EYA4: variants seen among roughly 807,000 people sequenced by gnomAD.
EYA4 encodes the protein EYA transcriptional coactivator and phosphatase 4.
EYA4 carries 31 observed loss-of-function variants against 87.9 expected under a neutral mutation model. The observed-to-expected ratio is 0.35, with a 90% CI of 0.27 to 0.48. The LOEUF is 0.48. Ranked by LOEUF, EYA4 falls within the 20% of genes least tolerant of loss-of-function variation. The pLI is 0.99. For missense variants in EYA4, 678 were observed against 761.4 expected (o/e 0.89, Z 1.29); for synonymous variants, 263 against 270.6 (o/e 0.97, Z 0.28).
intron 2 of EYA4, among the ~76,000 whole-genome samples, chr6:133,298,211 G>T (rs1390172765): frequency 6.6e-6 from 1 of 152,092 alleles, no homozygotes; most frequent in Non-Finnish European, 1.5e-5. Flanking sequence ...GTGCCCTTTT[G>T]CTGTGCTTCA....
intron 2 of EYA4, among the ~76,000 whole-genome samples, chr6:133,317,994 T>C (rs1780758923): frequency 6.6e-6 from 1 of 152,098 alleles, no homozygotes; most frequent in South Asian, 2.1e-4. Flanking sequence ...CACCCTCTTA[T>C]ACAAGTGCAG....
At chr6:133,521,854 C>G (rs1349437194) in intron 17 of EYA4, among the ~76,000 whole-genome samples, 3 of 135,750 alleles carry the variant, frequency 2.2e-5, no homozygotes, top group Non-Finnish European at 4.7e-5. Flanking sequence ...TCTCAGTAAA[C>G]TATCGCAAGA....
At chr6:133,265,957 A>T (rs1776186839) in intron 1 of EYA4, among the ~76,000 whole-genome samples, 1 of 152,214 alleles carries the variant, frequency 6.6e-6, no homozygotes, top group South Asian at 2.1e-4. Flanking sequence ...CTTTCCTGAC[A>T]ATCAGTATCT....
chr6:133,477,048 A>G lies in EYA4; in HGVS notation c.971-4415A>G, dbSNP rs527521220. On this transcript the variant is annotated intron_variant, in intron 11 of 19. Coordinates refer to ENST00000355286, the MANE Select transcript of EYA4 (RefSeq NM_004100.5). ...TTCTGCTTTCCTTCTCCTTCCTGCC[A>G]CCTTGTGAAGAAGGTGCCTTGCTTC... Among the ~76,000 whole-genome samples, 12 of 152,122 alleles carry G rather than the reference A, an allele frequency of 7.9e-5. No homozygotes were observed. The South Asian group carries it at 2.5e-3, about 32-fold the overall frequency.
Position 133,440,476 on chromosome 6 carries a change from C to T in EYA4, c.84-6154C>T, listed in dbSNP as rs528765756. ...TTTTTTCATTTGTTTTCTAGAAGAA[C>T]GTGTACACAAATGACAATAAGTTAA... On this transcript the variant is annotated intron_variant, in intron 3 of 19. Transcript: ENST00000355286. Among the ~76,000 whole-genome samples the T allele has an allele frequency of 2.0e-5, 3 of 151,962 alleles. No individual in the cohort carries two copies. The South Asian group carries it at 6.2e-4, about 32-fold the overall frequency.
chr6:133,356,950 T>C (rs929112359), intron 2 of EYA4, among the ~76,000 whole-genome samples: 3 of 151,860 alleles, frequency 2.0e-5, no homozygotes, highest in Admixed American at 2.0e-4. Flanking sequence ...GAGATTGTCC[T>C]ATTTTAAGAG....
At chr6:133,327,299 G>A (rs530996785) in intron 2 of EYA4, among the ~76,000 whole-genome samples, 1 of 152,018 alleles carries the variant, frequency 6.6e-6, no homozygotes, top group Non-Finnish European at 1.5e-5. Flanking sequence ...CGCCACGCCA[G>A]TCTAATTTTT....
chr6:133,318,438 G>C (rs977045107), intron 2 of EYA4, among the ~76,000 whole-genome samples: 1 of 152,136 alleles, frequency 6.6e-6, no homozygotes, highest in South Asian at 2.1e-4. Context: ...AAAAACCAAA[G>C]ACTTTTTCTT....
At chr6:133,513,420 G>GT (rs1799328490) in intron 16 of EYA4, among the ~76,000 whole-genome samples, 1 of 152,122 alleles carries the variant, frequency 6.6e-6, no homozygotes, top group Non-Finnish European at 1.5e-5. Flanking sequence ...AAGGACGGTG[G>GT]TTAGCAAGCA....
intron 2 of EYA4, among the ~76,000 whole-genome samples, chr6:133,293,928 G>A (rs935994730): frequency 3.4e-5 from 5 of 147,744 alleles, no homozygotes; most frequent in African/African-American, 5.0e-5. Context: ...CTCCATCCTC[G>A]GAGACAGGAA....
intron 3 of EYA4, among the ~76,000 whole-genome samples, chr6:133,427,437 G>A (rs1268757909): frequency 6.6e-6 from 1 of 152,178 alleles, no homozygotes; most frequent in Non-Finnish European, 1.5e-5. Flanking sequence ...AGCATGAAAT[G>A]ATATGAGAAC....
intron 3 of EYA4, among the ~76,000 whole-genome samples, chr6:133,412,780 T>A (rs1331486650): frequency 6.6e-6 from 1 of 152,192 alleles, no homozygotes; most frequent in Admixed American, 6.5e-5. Flanking sequence ...TAAGTTCCTG[T>A]CTCCTTTTCT....
At chr6:133,267,848 C>T (rs941514344) in intron 1 of EYA4, among the ~76,000 whole-genome samples, 3 of 152,024 alleles carry the variant, frequency 2.0e-5, no homozygotes, top group Non-Finnish European at 4.4e-5. Flanking sequence ...AAGGTTACTT[C>T]TTAGGAAAGT....
intron 13 of EYA4, among the ~76,000 whole-genome samples, chr6:133,494,031 C>A (rs1348950461): frequency 6.6e-6 from 1 of 152,066 alleles, no homozygotes; most frequent in Non-Finnish European, 1.5e-5. Context: ...CCTCAAAAAC[C>A]AAAAATAGAA....
At chr6:133,271,523 G>A (rs559529257) in intron 1 of EYA4, among the ~76,000 whole-genome samples, 102 of 152,298 alleles carry the variant, frequency 6.7e-4, no homozygotes, top group African/African-American at 2.3e-3. Context: ...CTATTCCAGT[G>A]AGGACAAACC....
At chr6:133,339,374 CT>C (rs1359905082) in intron 2 of EYA4, among the ~76,000 whole-genome samples, 1 of 152,148 alleles carries the variant, frequency 6.6e-6, no homozygotes, top group African/African-American at 2.4e-5. Flanking sequence ...CACTGTTTGC[CT>C]TTAAAGACCA....
intron 1 of EYA4, among the ~76,000 whole-genome samples, chr6:133,265,541 TAAC>T (rs1776149058): frequency 6.6e-6 from 1 of 152,200 alleles, no homozygotes; most frequent in South Asian, 2.1e-4. Flanking sequence ...GGAATTAACA[TAAC>T]AACCATTGCT....
intron 3 of EYA4, among the ~76,000 whole-genome samples, chr6:133,398,658 G>C (rs1332776768): frequency 6.6e-6 from 1 of 152,128 alleles, no homozygotes; most frequent in Admixed American, 6.5e-5. Flanking sequence ...TGCTATGGAA[G>C]GCTTGCTTAA....
chr6:133,270,306 A>T (rs1182046444), intron 1 of EYA4, among the ~76,000 whole-genome samples: 1 of 152,254 alleles, frequency 6.6e-6, no homozygotes, highest in Non-Finnish European at 1.5e-5. Flanking sequence ...AATTATACCT[A>T]ACATAATACA....
Sources: allele counts gnomAD v4.1 joint callset (sites outside exome capture counted in the v4.1 genomes callset), GRCh38; gene constraint gnomAD v4.1.1; transcripts MANE v1.5; gene names NCBI Gene and HGNC (gene_info 2026-07-23, HGNC 2026-07-21).